ARHGAP10: variants seen among roughly 807,000 people sequenced by gnomAD.
ARHGAP10 encodes the protein rho GTPase-activating protein 10.
A neutral mutation model predicts 108.6 loss-of-function variants in ARHGAP10; 87 were observed. That is an observed-to-expected ratio of 0.80 (90% CI 0.67 to 0.96). The LOEUF (loss-of-function observed/expected upper bound fraction) is 0.96. Ranked by LOEUF, ARHGAP10 falls within the 40% of genes least tolerant of loss-of-function variation. The probability of loss-of-function intolerance (pLI) is 0.00; values close to 1 mark genes in which losing one functional copy is unlikely to be tolerated. For missense variants in ARHGAP10, 939 were observed against 954.5 expected, an observed-to-expected ratio of 0.98 and a Z score of 0.21; for synonymous variants, 347 against 341.1, an observed-to-expected ratio of 1.02 and a Z score of -0.19.
In ARHGAP10 at chr4:148,049,448, C is replaced by T. The variant is rs116470089; in HGVS notation, c.2027+2397C>T. On this transcript the variant is annotated intron_variant, in intron 20 of 22. Transcript: ENST00000336498. Reference sequence around the variant, plus strand: ...TAAAACACACTCTTCTAGGGTCGTGCGTTGCTGTCCTCCCAGTAGCCGGTG... The same window carrying T: ...TAAAACACACTCTTCTAGGGTCGTGTGTTGCTGTCCTCCCAGTAGCCGGTG... Among the ~76,000 whole-genome samples the T allele has an allele frequency of 7.1e-3, 1,087 of 152,322 alleles. 11 individuals are homozygous for T. The highest frequency in any genetic ancestry group is 0.024 in the African/African-American group (1,010 of 41,564).
chr4:147,746,049 A>G (rs546767914), intron 1 of ARHGAP10, among the ~76,000 whole-genome samples: 20 of 151,864 alleles, frequency 1.3e-4, no homozygotes, highest in African/African-American at 4.6e-4. Context: ...CTGCCTCCCA[A>G]AGTGCTGGGA....
intron 1 of ARHGAP10, among the ~76,000 whole-genome samples, chr4:147,748,653 A>G (rs901911388): frequency 2.6e-5 from 4 of 152,342 alleles, no homozygotes; most frequent in Non-Finnish European, 5.9e-5. Flanking sequence ...AAACACATCA[A>G]GATATGTACA....
intron 12 of ARHGAP10, among the ~76,000 whole-genome samples, chr4:147,910,629 C>G (rs1736693007): frequency 6.6e-6 from 1 of 152,096 alleles, no homozygotes; most frequent in Non-Finnish European, 1.5e-5. Flanking sequence ...TCACATGCCA[C>G]TGCTGTACTT....
intron 13 of ARHGAP10, among the ~76,000 whole-genome samples, chr4:147,920,560 G>T (rs887357520): frequency 6.6e-6 from 1 of 152,192 alleles, no homozygotes; most frequent in African/African-American, 2.4e-5. Context: ...AAGCCAGTCA[G>T]TTAACCAGTA....
chr4:147,824,286 C>T (rs1488466821), intron 3 of ARHGAP10, among the ~76,000 whole-genome samples: 1 of 151,226 alleles, frequency 6.6e-6, no homozygotes, highest in African/African-American at 2.4e-5. Flanking sequence ...TGAACCACTG[C>T]ACTCCAAACT....
intron 1 of ARHGAP10, among the ~76,000 whole-genome samples, chr4:147,751,040 G>C (rs1405369856): frequency 6.6e-6 from 1 of 151,816 alleles, no homozygotes; most frequent in Non-Finnish European, 1.5e-5. Context: ...TTAGCCGGGT[G>C]TGATGGTGCG....
chr4:147,833,145 C>A (rs926915597), intron 3 of ARHGAP10, among the ~76,000 whole-genome samples: 25 of 152,134 alleles, frequency 1.6e-4, no homozygotes, highest in African/African-American at 5.6e-4. Context: ...TTTTCAGTGG[C>A]ACAGAGGAAA....
intron 19 of ARHGAP10, among the ~76,000 whole-genome samples, chr4:148,028,593 C>A (rs953032189): frequency 6.6e-6 from 1 of 152,114 alleles, no homozygotes; most frequent in Non-Finnish European, 1.5e-5. Context: ...GGGAAAGGTG[C>A]TTTAGGTTTA....
intron 1 of ARHGAP10, among the ~76,000 whole-genome samples, chr4:147,756,689 T>C (rs1356226609): frequency 6.6e-6 from 1 of 152,190 alleles, no homozygotes; most frequent in African/African-American, 2.4e-5. Context: ...ATAGTGTATA[T>C]AAGGTTTACA....
chr4:147,852,305 G>A (rs535347896), intron 4 of ARHGAP10, among the ~76,000 whole-genome samples: 3 of 152,336 alleles, frequency 2.0e-5, no homozygotes, highest in Non-Finnish European at 4.4e-5. Flanking sequence ...CTTTGCCAGC[G>A]TTGGTGCTGC....
intron 14 of ARHGAP10, among the ~76,000 whole-genome samples, chr4:147,941,521 G>A (rs1458316366): frequency 1.3e-5 from 2 of 152,144 alleles, no homozygotes; most frequent in African/African-American, 4.8e-5. Context: ...AGAAGCCCAG[G>A]ACATGAGTGT....
At chr4:147,826,378 C>G (rs1732707732) in intron 3 of ARHGAP10, among the ~76,000 whole-genome samples, 1 of 152,086 alleles carries the variant, frequency 6.6e-6, no homozygotes, top group African/African-American at 2.4e-5. Context: ...GTTGGGTTCC[C>G]ATGCAGGGTA....
chr4:147,819,806 G>C (rs1245354949), intron 1 of ARHGAP10, among the ~76,000 whole-genome samples: 1 of 152,118 alleles, frequency 6.6e-6, no homozygotes, highest in Admixed American at 6.5e-5. Flanking sequence ...TGATCCGCCC[G>C]TCTCGGCCTC....
chr4:148,024,010 G>A lies in ARHGAP10; in HGVS notation c.1867+597G>A, dbSNP rs191875846. ...ATGCTGTTCAGCTAATCGTTGCCAC[G>A]TGGCCCTGTTGTTTCAGTGTTGCCA... On this transcript the variant is annotated intron_variant, in intron 19 of 22. Transcript: ENST00000336498. 4.6e-5 allele frequency among the ~76,000 whole-genome samples: 7 copies of A among 152,338 alleles called. No homozygotes were observed. The East Asian group carries it at 9.6e-4, about 21-fold the overall frequency.
At chr4:148,047,796 A>G (rs1728953537) in intron 20 of ARHGAP10, among the ~76,000 whole-genome samples, 1 of 152,234 alleles carries the variant, frequency 6.6e-6, no homozygotes, top group Non-Finnish European at 1.5e-5. Flanking sequence ...ATCTAAAAAT[A>G]CATTTATAAT....
intron 20 of ARHGAP10, among the ~76,000 whole-genome samples, chr4:148,061,396 G>A (rs959558384): frequency 2.0e-5 from 3 of 151,888 alleles, no homozygotes; most frequent in African/African-American, 7.3e-5. Flanking sequence ...TTCCTGCCAG[G>A]GCTTCACTCA....
At chr4:147,906,827 A>T in intron 11 of ARHGAP10, 108 bp downstream of exon 11, 4 of 1,303,144 alleles carry the variant, frequency 3.1e-6, no homozygotes, top group Non-Finnish European at 4.4e-6. Context: ...CTTCTATAAC[A>T]GGTATTCCAA....
At chr4:147,769,181 A>G (rs971849921) in intron 1 of ARHGAP10, among the ~76,000 whole-genome samples, 1 of 152,234 alleles carries the variant, frequency 6.6e-6, no homozygotes, top group Non-Finnish European at 1.5e-5. Context: ...TTCTCACTAT[A>G]CATAGCAGTT....
rs377164392 is a variant in ARHGAP10, at chr4:148,023,155, C to T, written c.1717-108C>T. On this transcript the variant is annotated intron_variant, in intron 18 of 22. Transcript: ENST00000336498. ...GAAGGAATGGATTTTGGGCTCTAGCCTGTCTTGAATGAACTCCAAATCAAA... is the reference window on the plus strand; with the variant it reads ...GAAGGAATGGATTTTGGGCTCTAGCTTGTCTTGAATGAACTCCAAATCAAA... 6.0e-6 allele frequency: 8 copies of T among 1,339,922 alleles called. No individual in the cohort carries two copies. The African/African-American group carries it at 7.2e-5, about 12-fold the overall frequency. 83.0% of individuals were successfully genotyped at this position (1,339,922 alleles called of 1,614,324 possible).
Sources: gnomAD v4.1 joint callset for allele counts (sites outside exome capture counted in the v4.1 genomes callset) on GRCh38, gnomAD v4.1.1 for gene constraint, MANE v1.5 for transcripts, NCBI Gene and HGNC (gene_info 2026-07-23, HGNC 2026-07-21) for gene names.